Variants in ASAP1 observed in about 807,000 individuals in gnomAD.
ASAP1 encodes the protein ArfGAP with SH3 domain, ankyrin repeat and PH domain 1.
In ASAP1, 43 loss-of-function variants were observed where a neutral mutation model predicts 145.2. That is an observed-to-expected ratio of 0.30 (90% CI 0.23 to 0.38). ASAP1 has a LOEUF of 0.38. Among genes scored for constraint, ASAP1 ranks in the 10% least tolerant of loss-of-function variants. The probability of loss-of-function intolerance (pLI) is 1.00; values close to 1 mark genes in which losing one functional copy is unlikely to be tolerated. For synonymous variants in ASAP1, 546 were observed against 515.5 expected, an observed-to-expected ratio of 1.06 and a Z score of -0.80; for missense variants, 1,018 against 1,355.3, an observed-to-expected ratio of 0.75 and a Z score of 3.91.
At chr8:130,258,843 C>T (rs1161220601) in intron 3 of ASAP1, among the ~76,000 whole-genome samples, 1 of 152,132 alleles carries the variant, frequency 6.6e-6, no homozygotes, top group Admixed American at 6.5e-5. Flanking sequence ...GACTGATTTG[C>T]TGATTTCTTC....
intron 1 of ASAP1, among the ~76,000 whole-genome samples, chr8:130,411,513 C>T (rs1829263380): frequency 6.6e-6 from 1 of 152,222 alleles, no homozygotes. Context: ...CTCCCTTCCT[C>T]ATTCCTCCAC....
At chr8:130,360,019 T>C (rs1038956391) in intron 2 of ASAP1, among the ~76,000 whole-genome samples, 2 of 152,224 alleles carry the variant, frequency 1.3e-5, no homozygotes, top group Non-Finnish European at 2.9e-5. Context: ...GCCTTGGGCC[T>C]GCTACACAGA....
intron 9 of ASAP1, among the ~76,000 whole-genome samples, chr8:130,176,235 C>G (rs2136138433): frequency 6.6e-6 from 1 of 152,258 alleles, no homozygotes. Context: ...CTGAAAATCA[C>G]TTTGGGAACT....
intron 5 of ASAP1, 47 bp from the exon 6 acceptor site, chr8:130,188,230 A>T: frequency 1.4e-6 from 2 of 1,459,878 alleles, no homozygotes; most frequent in Non-Finnish European, 1.9e-6. Flanking sequence ...AATAAAGTCC[A>T]CATGAACAAT....
At chr8:130,161,945 T>C (rs896370812) in intron 11 of ASAP1, among the ~76,000 whole-genome samples, 3 of 152,012 alleles carry the variant, frequency 2.0e-5, no homozygotes, top group African/African-American at 7.2e-5. Flanking sequence ...GGACTACAGG[T>C]GTGTGCTACC....
At chr8:130,148,666 T>A (rs1443448130) in intron 13 of ASAP1, among the ~76,000 whole-genome samples, 1 of 152,224 alleles carries the variant, frequency 6.6e-6, no homozygotes, top group Non-Finnish European at 1.5e-5. Context: ...TTTCTCAAGA[T>A]TACTACAATA....
chr8:130,158,402 C>A (rs921936926), intron 12 of ASAP1, among the ~76,000 whole-genome samples: 6 of 151,046 alleles, frequency 4.0e-5, no homozygotes, highest in Non-Finnish European at 8.8e-5. Flanking sequence ...ATAGTCCCAG[C>A]TACTCAGGAG....
intron 27 of ASAP1, among the ~76,000 whole-genome samples, chr8:130,070,610 G>C (rs1215638740): frequency 2.0e-5 from 3 of 151,856 alleles, no homozygotes; most frequent in Non-Finnish European, 2.9e-5. Context: ...CTTTGGAATA[G>C]AGAATTTCCA....
At chr8:130,144,106 A>T (rs1283740402) in intron 13 of ASAP1, among the ~76,000 whole-genome samples, 1 of 152,206 alleles carries the variant, frequency 6.6e-6, no homozygotes, top group Non-Finnish European at 1.5e-5. Flanking sequence ...TCATTCAATA[A>T]ATAGTTTTTT....
At chr8:130,080,431 T>C (rs1592753850) in intron 25 of ASAP1, among the ~76,000 whole-genome samples, 1 of 151,702 alleles carries the variant, frequency 6.6e-6, no homozygotes, top group African/African-American at 2.4e-5. Flanking sequence ...TGGTCATCTG[T>C]TGGGCCAGGC....
In ASAP1 at chr8:130,412,402, C is replaced by T. The variant is rs568540124; in HGVS notation, c.-27-10432G>A. 3.3e-5 allele frequency among the ~76,000 whole-genome samples: 5 copies of T among 152,014 alleles called. No individual in the cohort carries two copies. In the East Asian group the frequency reaches 9.7e-4, roughly 29 times the overall value. ...GTTTAAAACTGTGTTGCGCCTTGCT[C>T]TCTCTCTTGCTCCTGCTTGGGCCAT... On this transcript the variant is annotated intron_variant, in intron 1 of 29. Transcript: ENST00000518721.
chr8:130,187,368 G>T, intron 6 of ASAP1, 83 bp from the exon 7 acceptor site: 2 of 1,189,912 alleles, frequency 1.7e-6, no homozygotes. Context: ...ATCTTAGCAA[G>T]AATTGTTTCC....
At chr8:130,241,173 C>T (rs908453846) in intron 3 of ASAP1, among the ~76,000 whole-genome samples, 45 of 152,226 alleles carry the variant, frequency 3.0e-4, no homozygotes, top group Non-Finnish European at 5.7e-4. Context: ...CCAAAGCTCT[C>T]TGGATGACTG....
rs1815198411 is a variant in ASAP1, at chr8:130,192,360, G to A, written c.406-4177C>T. Among the ~76,000 whole-genome samples the A allele has an allele frequency of 2.6e-5, 4 of 152,016 alleles. No individual in the cohort carries two copies. The South Asian group carries it at 8.3e-4, about 32-fold the overall frequency. ...GCGATGGGGGACTATGTCTAAAAAG[G>A]CTCTTGGGGAAAAGGAGGAAGGCTT... On this transcript the variant is annotated intron_variant, in intron 5 of 29. Transcript: ENST00000518721.
chr8:130,068,235 TAA>T (rs1378609787), intron 27 of ASAP1, among the ~76,000 whole-genome samples: 1 of 152,124 alleles, frequency 6.6e-6, no homozygotes, highest in East Asian at 1.9e-4. Flanking sequence ...ATGGCTAAAA[TAA>T]AAGAGGGTGC....
At chr8:130,310,157 A>AGGGGGGGGG (rs1823252820) in intron 3 of ASAP1, among the ~76,000 whole-genome samples, 1 of 47,530 alleles carries the variant, frequency 2.1e-5, no homozygotes, top group Non-Finnish European at 4.4e-5. Flanking sequence ...GAGGGGGGTG[A>AGGGGGGGGG]GGGGAGGGGA....
intron 1 of ASAP1, among the ~76,000 whole-genome samples, chr8:130,402,670 A>T (rs149226098): frequency 6.6e-6 from 1 of 152,116 alleles, no homozygotes; most frequent in African/African-American, 2.4e-5. Flanking sequence ...CAGGGCGAAA[A>T]ACCGAGAGAC....
chr8:130,066,257 A>G (rs2097430434), intron 27 of ASAP1, among the ~76,000 whole-genome samples: 2 of 152,346 alleles, frequency 1.3e-5, no homozygotes, highest in South Asian at 4.1e-4. Context: ...TTTGAAATTA[A>G]TTAGGGGCAG....
At chr8:130,159,151 C>T (rs1053212224) in intron 12 of ASAP1, among the ~76,000 whole-genome samples, 1 of 152,172 alleles carries the variant, frequency 6.6e-6, no homozygotes, top group African/African-American at 2.4e-5. Flanking sequence ...GGAGAGACAG[C>T]AGCAGCTCAC....
Sources: allele counts gnomAD v4.1 joint callset (sites outside exome capture counted in the v4.1 genomes callset), GRCh38; gene constraint gnomAD v4.1.1; transcripts MANE v1.5; gene names NCBI Gene and HGNC (gene_info 2026-07-23, HGNC 2026-07-21).